JAKMIP3: variants seen among roughly 807,000 people sequenced by gnomAD.
JAKMIP3 encodes the protein Janus kinase and microtubule interacting protein 3.
In JAKMIP3, 58 loss-of-function variants were observed where a neutral mutation model predicts 118.5. That is an observed-to-expected ratio of 0.49 (90% CI 0.40 to 0.61). JAKMIP3 has a LOEUF of 0.61. Among genes scored for constraint, JAKMIP3 ranks in the 20% least tolerant of loss-of-function variants. The pLI, the probability that JAKMIP3 is intolerant of heterozygous loss-of-function variation, is 0.00. For synonymous variants in JAKMIP3, 486 were observed against 451.2 expected (o/e 1.08, Z -0.98); for missense variants, 950 against 1,109.0 (o/e 0.86, Z 2.04).
intron 14 of JAKMIP3, among the ~76,000 whole-genome samples, chr10:132,148,466 ATCCGCCCGTCC>A (rs2055117387): frequency 1.0e-5 from 1 of 95,954 alleles, no homozygotes; most frequent in South Asian, 4.0e-4. Context: ...CCCGTCCTCC[ATCCGCCCGTCC>A]TCCATCCACC....
At chr10:132,166,748 C>T (rs571920345) in intron 21 of JAKMIP3, among the ~76,000 whole-genome samples, 1 of 152,276 alleles carries the variant, frequency 6.6e-6, no homozygotes, top group South Asian at 2.1e-4. Flanking sequence ...GCCCACCACC[C>T]GCATCTGCCC....
At chr10:132,063,971 T>C (rs2038502235), upstream of JAKMIP3, among the ~76,000 whole-genome samples, 1 of 152,236 alleles carries the variant, frequency 6.6e-6, no homozygotes, top group Admixed American at 6.5e-5. Flanking sequence ...ACACACTTTT[T>C]TAAACAGAAA....
At chr10:132,108,294 C>T (rs530935693) in intron 2 of JAKMIP3, among the ~76,000 whole-genome samples, 28 of 152,302 alleles carry the variant, frequency 1.8e-4, no homozygotes, top group African/African-American at 5.8e-4. Flanking sequence ...GCATCTGCAT[C>T]GTGGACTTGC....
chr10:132,118,483 C>A lies in JAKMIP3; in HGVS notation c.633+909C>A, dbSNP rs1236106630. Among the ~76,000 whole-genome samples, 1 of 152,194 alleles carries A rather than the reference C, an allele frequency of 6.6e-6. No homozygotes were observed. Among genetic ancestry groups the A allele is most frequent in the East Asian group, 1.9e-4 (1 of 5,188 alleles). ...GGGATGCAGTGGTCTTTCCACGGGG[C>A]GTGGCTGTGCACCTGGGGCAGCCTC... On this transcript the variant is annotated intron_variant, in intron 3 of 23. Transcript: ENST00000684848. The surrounding 1 kb of genome is among the most constrained non-coding windows in gnomAD (Gnocchi z 4.8).
At chr10:132,124,808 C>T (rs2049201576) in intron 3 of JAKMIP3, among the ~76,000 whole-genome samples, 1 of 152,244 alleles carries the variant, frequency 6.6e-6, no homozygotes, top group African/African-American at 2.4e-5. Flanking sequence ...TGCTTCACCT[C>T]AAGACAGAAG....
rs1463456243 is a variant in JAKMIP3 at position 132,168,068 on chromosome 10, G to A, written c.*138G>A. ...GATTTGGTCTCTGCACGCCCGTCCC[G>A]TGGAGGAAGAGTGAGAAGGGGCAGT... On this transcript the variant is annotated 3_prime_UTR_variant, in exon 23 of 24. Coordinates refer to ENST00000684848, the MANE Select transcript of JAKMIP3 (RefSeq NM_001323087.2). 18 of 1,289,420 alleles carry A rather than the reference G, an allele frequency of 1.4e-5. No individual in the cohort carries two copies. The highest frequency in any genetic ancestry group is 4.6e-5 in the Admixed American group (2 of 43,542). The allele number at this position is 1,289,420 out of a possible 1,614,324, so 79.9% of individuals were successfully genotyped here.
intron 1 of JAKMIP3, among the ~76,000 whole-genome samples, chr10:132,102,888 G>A (rs1452025119): frequency 1.3e-5 from 2 of 151,962 alleles, no homozygotes; most frequent in Admixed American, 6.5e-5. Context: ...GGGGAGGGCT[G>A]TGTTCACCAG....
intron 3 of JAKMIP3, among the ~76,000 whole-genome samples, chr10:132,127,652 T>C (rs1034061978): frequency 3.3e-5 from 5 of 152,160 alleles, no homozygotes; most frequent in African/African-American, 1.2e-4. Flanking sequence ...CGCTGTTTTT[T>C]ACTCTCATCC....
upstream of JAKMIP3, among the ~76,000 whole-genome samples, chr10:132,063,664 G>A (rs1198599966): frequency 6.6e-6 from 1 of 152,184 alleles, no homozygotes; most frequent in Non-Finnish European, 1.5e-5. Flanking sequence ...GGGAGAGAAC[G>A]GACCGTCTGC....
intron 9 of JAKMIP3, 107 bp downstream of exon 9, chr10:132,138,285 G>A (rs563465620): frequency 1.4e-4 from 139 of 1,007,464 alleles, no homozygotes; most frequent in East Asian, 1.1e-3. Context: ...GGGGTGCGCC[G>A]GTGTACGTGG....
At chr10:132,176,543 G>A (rs77101625) in intron 23 of JAKMIP3, among the ~76,000 whole-genome samples, 4,530 of 152,236 alleles carry the variant, frequency 0.03, 239 homozygotes, top group African/African-American at 0.1. Flanking sequence ...CCCTCCCCAT[G>A]AGGGCTTTGT....
intron 1 of JAKMIP3, among the ~76,000 whole-genome samples, chr10:132,037,279 C>G (rs1034854706): frequency 6.6e-6 from 1 of 152,108 alleles, no homozygotes; most frequent in African/African-American, 2.4e-5. Flanking sequence ...CCTTGCCTCT[C>G]GTGGAAAGCC....
intron 1 of JAKMIP3, among the ~76,000 whole-genome samples, chr10:132,059,135 A>G (rs2038325381): frequency 6.6e-6 from 1 of 152,204 alleles, no homozygotes; most frequent in South Asian, 2.1e-4. Flanking sequence ...CCACGTCCCT[A>G]AAAGAACGTC....
At position 132,138,140 on chromosome 10, in the gene JAKMIP3, T is replaced by A; in HGVS notation, c.1306T>A (p.Phe436Ile). 1.2e-6 allele frequency: 2 copies of A among 1,612,296 alleles called. No homozygotes were observed. The highest frequency in any genetic ancestry group is 1.7e-6 in the Non-Finnish European group (2 of 1,179,246). ...SVLERDKLLRFRKQRKKMAKL... is the reference protein window; with the variant it reads ...SVLERDKLLRIRKQRKKMAKL... Reference sequence around the variant, plus strand: ...GCAGGAGCGGGACAAGCTGTTAAGATTCCGGAAGCAAAGAAAGAAAATGGC... The same window carrying A: ...GCAGGAGCGGGACAAGCTGTTAAGAATCCGGAAGCAAAGAAAGAAAATGGC... The change falls in exon 9 of 24, where the codon TTC becomes ATC. Residue 436 changes from phenylalanine to isoleucine, a missense_variant. Coordinates refer to ENST00000684848, the MANE Select transcript of JAKMIP3 (RefSeq NM_001323087.2).
At chr10:132,080,525 TTTTTTTTTTTTTTTA>T (rs1457255368) in intron 1 of JAKMIP3, among the ~76,000 whole-genome samples, 10 of 111,758 alleles carry the variant, frequency 8.9e-5, no homozygotes, top group Non-Finnish European at 1.7e-4. Flanking sequence ...TTTTTTTTTT[TTTTTTTTTTTTTTTA>T]AGATGGAGTC....
Position 132,184,561 on chromosome 10 carries a change from C to T in JAKMIP3, c.*3308C>T, listed in dbSNP as rs2061703883. The T allele has an allele frequency of 6.6e-6, 1 of 152,184 alleles. No individual in the cohort carries two copies. The highest frequency in any genetic ancestry group is 2.1e-4 in the South Asian group (1 of 4,820). 9.4% of individuals were successfully genotyped at this position (152,184 alleles called of 1,614,324 possible). On this transcript the variant is annotated 3_prime_UTR_variant, in exon 24 of 24. Coordinates refer to ENST00000684848, the MANE Select transcript of JAKMIP3 (RefSeq NM_001323087.2). ...AAATTTATGCAAAAACTAACCGGGC[C>T]TGTTTTCTTACGGCGGCATGCCAGG...
chr10:132,159,744 G>GGGGGGGCCTCTTCCTGTGTGATACT (rs2057755681), intron 19 of JAKMIP3, among the ~76,000 whole-genome samples: 1 of 67,276 alleles, frequency 1.5e-5, no homozygotes, highest in Non-Finnish European at 2.9e-5. Context: ...GTGTGATACT[G>GGGGGGGCCTCTTCCTGTGTGATACT]GGGGGGCCTC....
At chr10:132,042,252 C>G (rs763102042) in intron 1 of JAKMIP3, among the ~76,000 whole-genome samples, 1 of 141,294 alleles carries the variant, frequency 7.1e-6, no homozygotes. Context: ...GTCTCTGTCA[C>G]CCAGGCTGGA....
At chr10:132,048,780 G>A (rs1429965497) in intron 1 of JAKMIP3, among the ~76,000 whole-genome samples, 1 of 142,812 alleles carries the variant, frequency 7.0e-6, no homozygotes, top group Non-Finnish European at 1.5e-5. Flanking sequence ...GGAACTACAG[G>A]CACCCGCCAC....
Sources: gnomAD v4.1 joint callset for allele counts (sites outside exome capture counted in the v4.1 genomes callset) on GRCh38, gnomAD v4.1.1 for gene constraint, Gnocchi (gnomAD v3.1) non-coding constraint, MANE v1.5 for transcripts, NCBI Gene and HGNC (gene_info 2026-07-23, HGNC 2026-07-21) for gene names.